The following DGKI variants were observed in gnomAD, a reference collection of about 807,000 sequenced individuals.
The protein encoded by DGKI is diacylglycerol kinase iota, also known as DAG kinase iota.
DGKI carries 55 observed loss-of-function variants against 147.5 expected under a neutral mutation model. That is an observed-to-expected ratio of 0.37 (90% CI 0.30 to 0.47). DGKI has a LOEUF of 0.47. DGKI is among the 20% of genes least tolerant of loss of function. The pLI, the probability that DGKI is intolerant of heterozygous loss-of-function variation, is 1.00. For synonymous variants in DGKI, 469 were observed against 477.1 expected (o/e 0.98, Z 0.22); for missense variants, 1,007 against 1,323.8 (o/e 0.76, Z 3.71).
At position 137,578,897 on chromosome 7, in the gene DGKI, G is replaced by A. The variant is rs75304454; in HGVS notation, c.1643-572C>T. ...TTGGAATAAAGTAGATATAAAATTG[G>A]GAATTAATGCCAGTTTAATTATTCC... is the stretch of plus-strand genomic sequence containing the variant. On this transcript the variant is annotated intron_variant, in intron 15 of 32. Transcript: ENST00000614521. 4.0e-3 allele frequency among the ~76,000 whole-genome samples: 603 copies of A among 152,134 alleles called. 3 individuals carry two copies. The highest frequency in any genetic ancestry group is 0.01 in the Middle Eastern group (3 of 292).
At chr7:137,657,806 G>A (rs1260625263) in intron 3 of DGKI, among the ~76,000 whole-genome samples, 1 of 152,188 alleles carries the variant, frequency 6.6e-6, no homozygotes, top group Non-Finnish European at 1.5e-5. Flanking sequence ...CCAGAGATTT[G>A]AAGAGCTGCA....
intron 21 of DGKI, among the ~76,000 whole-genome samples, chr7:137,488,520 T>TA (rs200384446): frequency 0.013 from 1,973 of 151,098 alleles, 50 homozygotes; most frequent in African/African-American, 0.045. Flanking sequence ...TTCCAAAACT[T>TA]AAAAAAAAAT....
rs571339511 is a variant in DGKI at position 137,727,107 on chromosome 7, C to T, written c.402-37105G>A. Among the ~76,000 whole-genome samples the T allele has an allele frequency of 5.9e-5, 9 of 152,160 alleles. No individual in the cohort carries two copies. In the South Asian group the frequency reaches 1.0e-3, roughly 18 times the overall value. On this transcript the variant is annotated intron_variant, in intron 1 of 32. Transcript: ENST00000614521. ...GATTTTTAGCTCCCAAAGCCACTTC[C>T]TAATGTTATTTCCATGGAAATAAGT...
At chr7:137,772,545 A>G (rs1342259106) in intron 1 of DGKI, among the ~76,000 whole-genome samples, 3 of 152,160 alleles carry the variant, frequency 2.0e-5, no homozygotes, top group Non-Finnish European at 4.4e-5. Flanking sequence ...ATAATGAATG[A>G]CCTAAGCCCC....
At chr7:137,838,096 G>A (rs892221571) in intron 1 of DGKI, among the ~76,000 whole-genome samples, 11 of 148,244 alleles carry the variant, frequency 7.4e-5, no homozygotes, top group African/African-American at 1.3e-4. Context: ...TCCGCCTCCC[G>A]GGTTCAAGCA....
intron 6 of DGKI, among the ~76,000 whole-genome samples, chr7:137,628,004 A>C (rs1821001653): frequency 6.6e-6 from 1 of 152,204 alleles, no homozygotes; most frequent in South Asian, 2.1e-4. Context: ...TTACCTACTT[A>C]TGTATTTAAT....
At chr7:137,477,925 T>G (rs1815232509) in intron 23 of DGKI, among the ~76,000 whole-genome samples, 1 of 152,198 alleles carries the variant, frequency 6.6e-6, no homozygotes, top group African/African-American at 2.4e-5. Context: ...CCTCCCAAAG[T>G]GCTGAGATCA....
Position 137,385,008 on chromosome 7 carries a change from C to CTTACAGG in DGKI, c.*6211_*6212insCCTGTAA, listed in dbSNP as rs1364783985. 2.6e-5 allele frequency: 4 copies of CTTACAGG among 151,980 alleles called. No homozygotes were observed. Among genetic ancestry groups the CTTACAGG allele is most frequent in the Non-Finnish European group, 5.9e-5 (4 of 67,970 alleles). 9.4% of individuals were successfully genotyped at this position (151,980 alleles called of 1,614,324 possible). On this transcript the variant is annotated 3_prime_UTR_variant, in exon 33 of 33. Transcript: ENST00000614521. Reference sequence around the variant, plus strand: ...CCTTTCATGTACATTTACTTGGCTCCCAAATACCTTACAGGCAGAATTTTC... The same window carrying CTTACAGG: ...CCTTTCATGTACATTTACTTGGCTCCTTACAGGCAAATACCTTACAGGCAGAATTTTC...
At chr7:137,693,433 T>C (rs1337402789) in intron 1 of DGKI, among the ~76,000 whole-genome samples, 1 of 152,298 alleles carries the variant, frequency 6.6e-6, no homozygotes, top group Middle Eastern at 3.4e-3. Flanking sequence ...GAAATAGATA[T>C]GAAAAGAAAA....
At chr7:137,414,690 C>T (rs1812292797) in intron 28 of DGKI, among the ~76,000 whole-genome samples, 1 of 152,038 alleles carries the variant, frequency 6.6e-6, no homozygotes, top group Non-Finnish European at 1.5e-5. Flanking sequence ...GTCCAGTGCC[C>T]CCATTGAGTT....
chr7:137,404,773 CT>C (rs1299656854), intron 30 of DGKI, among the ~76,000 whole-genome samples: 1 of 152,142 alleles, frequency 6.6e-6, no homozygotes, highest in African/African-American at 2.4e-5. Context: ...CCCCACCCCC[CT>C]AAAAAAGACT....
chr7:137,831,159 A>C (rs902258531), intron 1 of DGKI, among the ~76,000 whole-genome samples: 2 of 152,352 alleles, frequency 1.3e-5, no homozygotes, highest in Non-Finnish European at 2.9e-5. Context: ...TCTGGCACTG[A>C]GGACATTCAC....
At chr7:137,826,021 T>C (rs763298189) in intron 1 of DGKI, among the ~76,000 whole-genome samples, 1 of 152,230 alleles carries the variant, frequency 6.6e-6, no homozygotes, top group Non-Finnish European at 1.5e-5. Context: ...CAATTGGATT[T>C]AGTTGAAAAA....
intron 1 of DGKI, among the ~76,000 whole-genome samples, chr7:137,836,611 T>C (rs1798389031): frequency 6.6e-6 from 1 of 152,200 alleles, no homozygotes; most frequent in South Asian, 2.1e-4. Flanking sequence ...CACAAGGTCT[T>C]GTACTGTAGA....
chr7:137,618,151 A>ATATATATATATATATATATATTTTT lies in DGKI; in HGVS notation c.993+1672_993+1673insAAAAATATATATATATATATATATA. Reference sequence around the variant, plus strand: ...ACTATATATATATATATATATATATATTTTTTTTTTTTTACTCTATCATTC... The same window carrying ATATATATATATATATATATATTTTT: ...ACTATATATATATATATATATATATATATATATATATATATATATATTTTTTTTTTTTTTTTTTACTCTATCATTC... On this transcript the variant is annotated intron_variant, in intron 8 of 32. Coordinates refer to ENST00000614521, the MANE Select transcript of DGKI (RefSeq NM_001321708.2). Among the ~76,000 whole-genome samples, 10 of 10,460 alleles carry ATATATATATATATATATATATTTTT rather than the reference A, an allele frequency of 9.6e-4. 1 individual carries two copies. Among genetic ancestry groups the ATATATATATATATATATATATTTTT allele is most frequent in the East Asian group, 7.5e-3 (1 of 134 alleles). 6.9% of individuals were successfully genotyped at this position (10,460 alleles called of 152,430 possible).
chr7:137,806,829 T>C (rs1422614377), intron 1 of DGKI, among the ~76,000 whole-genome samples: 1 of 152,164 alleles, frequency 6.6e-6, no homozygotes, highest in Non-Finnish European at 1.5e-5. Context: ...ACCAGGCCAG[T>C]GACCCACCAA....
chr7:137,694,193 C>T lies in DGKI; in HGVS notation c.402-4191G>A, dbSNP rs562963915. On this transcript the variant is annotated intron_variant, in intron 1 of 32. Coordinates refer to ENST00000614521, the MANE Select transcript of DGKI (RefSeq NM_001321708.2). ...AAAATTAGCCGGGCGAGGTGGCGGG[C>T]GCCTGTAGTCCCAGCTACTTAGGAG... is the stretch of plus-strand genomic sequence containing the variant. Among the ~76,000 whole-genome samples, 6 of 151,920 alleles carry T rather than the reference C, an allele frequency of 3.9e-5. No homozygotes were observed. In the South Asian group the frequency reaches 6.3e-4, roughly 16 times the overall value.
intron 17 of DGKI, among the ~76,000 whole-genome samples, chr7:137,574,829 C>T (rs1239874561): frequency 1.3e-5 from 2 of 152,132 alleles, no homozygotes; most frequent in Admixed American, 1.3e-4. Flanking sequence ...TTTTTACTGT[C>T]ATTTTGTATT....
Position 137,587,190 on chromosome 7 carries a change from G to A in DGKI, c.1332C>T (p.Ile444=). 6.2e-7 allele frequency: 1 copy of A among 1,612,626 alleles called. No individual in the cohort carries two copies. Among genetic ancestry groups the A allele is most frequent in the East Asian group, 2.2e-5 (1 of 44,740 alleles). ...GDGTVGWILS[I]LDELQLSPQP... ...GAGGGCTCAGCTGCAGTTCATCCAG[G>A]ATGGAAAGGATCCAGCCCACCTACA... Residue 444 remains isoleucine, a synonymous_variant, in exon 13 of 33, where the codon ATC becomes ATT. Transcript: ENST00000614521.
Sources: gnomAD v4.1 joint callset for allele counts (sites outside exome capture counted in the v4.1 genomes callset) on GRCh38, gnomAD v4.1.1 for gene constraint, MANE v1.5 for transcripts, NCBI Gene and HGNC (gene_info 2026-07-23, HGNC 2026-07-21) for gene names.